Variants in CD82 observed in about 807,000 individuals in gnomAD.
CD82 encodes the protein CD82 antigen.
CD82 carries 36 observed loss-of-function variants against 37.4 expected under a neutral mutation model. The ratio of observed to expected loss-of-function variants is 0.96; its 90% CI spans 0.74 to 1.27. The LOEUF (loss-of-function observed/expected upper bound fraction) is 1.27, where lower values mean the gene tolerates loss of function less well. Ranked by LOEUF, CD82 falls within the 50% of genes most tolerant of loss-of-function variation. The pLI, the probability that CD82 is intolerant of heterozygous loss-of-function variation, is 0.00. For synonymous variants in CD82, 158 were observed against 137.4 expected, an observed-to-expected ratio of 1.15 and a Z score of -1.05; for missense variants, 340 against 347.0, an observed-to-expected ratio of 0.98 and a Z score of 0.16.
chr11:44,585,019 G>A, intron 1 of CD82: 1 of 348,546 alleles, frequency 2.9e-6, no homozygotes, highest in South Asian at 2.2e-5. Context: ...GGGATCGGAT[G>A]CCCAACTCAC....
At chr11:44,618,393 G>A (rs375739064) in intron 8 of CD82, 28 bp downstream of exon 8, 134 of 1,589,112 alleles carry the variant, frequency 8.4e-5, no homozygotes, top group Non-Finnish European at 1.1e-4. Context: ...GATCGGGGGC[G>A]GGGCTCCGAG....
At chr11:44,598,400 AT>A (rs71038809) in intron 3 of CD82, among the ~76,000 whole-genome samples, 11 of 58,904 alleles carry the variant, frequency 1.9e-4, no homozygotes, top group African/African-American at 5.9e-4. Context: ...TTTGGCCTTA[AT>A]TTTTTTTTTT....
chr11:44,606,757 G>A (rs1455125876), intron 6 of CD82: 2 of 152,322 alleles, frequency 1.3e-5, no homozygotes, highest in African/African-American at 2.4e-5. Flanking sequence ...GACAGATGGA[G>A]AAGCAGATGC....
chr11:44,588,115 G>A (rs892101090), intron 2 of CD82, among the ~76,000 whole-genome samples: 5 of 152,188 alleles, frequency 3.3e-5, no homozygotes, highest in East Asian at 1.9e-4. Context: ...CACAGCATGC[G>A]TTATAGGAAC....
intron 3 of CD82, among the ~76,000 whole-genome samples, chr11:44,595,199 G>T (rs1853204775): frequency 2.0e-5 from 3 of 151,978 alleles, no homozygotes; most frequent in Admixed American, 2.0e-4. Context: ...CTCATAGGGA[G>T]AGCAAGAGGG....
rs1853626294 is a variant in CD82, at chr11:44,619,484, CG to C, written c.*361del. On this transcript the variant is annotated 3_prime_UTR_variant, in exon 10 of 10. Coordinates refer to ENST00000227155, the MANE Select transcript of CD82 (RefSeq NM_002231.4). ...TATGAAAAATTGGGGAGGAGGGGGC[CG>C]GGCGCGGTGGCTCACGCCTGTAATC... 4 of 190,858 alleles carry C rather than the reference CG, an allele frequency of 2.1e-5. No homozygotes were observed. In the South Asian group the frequency reaches 4.3e-4, roughly 20 times the overall value. 11.8% of individuals were successfully genotyped at this position (190,858 alleles called of 1,614,324 possible).
intron 4 of CD82, among the ~76,000 whole-genome samples, chr11:44,601,289 C>T (rs561039047): frequency 6.6e-6 from 1 of 152,068 alleles, no homozygotes; most frequent in Non-Finnish European, 1.5e-5. Flanking sequence ...ACATCTGTCC[C>T]CCTGGCCCCA....
chr11:44,568,709 A>C (rs963893950), intron 1 of CD82, among the ~76,000 whole-genome samples: 19 of 152,062 alleles, frequency 1.2e-4, no homozygotes, highest in Admixed American at 9.8e-4. Context: ...AGTTTCCGCT[A>C]TGTGGGGGCG....
chr11:44,611,668 C>A (rs1373005548), intron 6 of CD82, among the ~76,000 whole-genome samples: 1 of 152,176 alleles, frequency 6.6e-6, no homozygotes, highest in African/African-American at 2.4e-5. Flanking sequence ...CCTGCTACCT[C>A]CCTGTCCTTT....
chr11:44,592,828 A>G (rs1299144329), intron 2 of CD82, among the ~76,000 whole-genome samples: 1 of 152,160 alleles, frequency 6.6e-6, no homozygotes, highest in Non-Finnish European at 1.5e-5. Context: ...CTAGACTGGA[A>G]GAGCCATTTA....
At chr11:44,586,261 G>A (rs1853052839) in intron 1 of CD82, among the ~76,000 whole-genome samples, 1 of 138,376 alleles carries the variant, frequency 7.2e-6, no homozygotes, top group Admixed American at 7.6e-5. Context: ...CAAGGCTGGG[G>A]ACCACCACTC....
intron 1 of CD82, among the ~76,000 whole-genome samples, chr11:44,575,590 C>T (rs1248079083): frequency 1.3e-5 from 2 of 152,224 alleles, no homozygotes; most frequent in Non-Finnish European, 2.9e-5. Context: ...GACGCTGCAT[C>T]TGCTGGCCCT....
At chr11:44,574,810 TTG>T (rs778002632) in intron 1 of CD82, among the ~76,000 whole-genome samples, 7 of 152,218 alleles carry the variant, frequency 4.6e-5, no homozygotes, top group Non-Finnish European at 8.8e-5. Flanking sequence ...TCCCATGTGA[TTG>T]AGCATTCTTC....
intron 6 of CD82, 78 bp downstream of exon 6, chr11:44,605,507 A>G: frequency 1.1e-5 from 15 of 1,337,794 alleles, no homozygotes; most frequent in South Asian, 1.1e-4. Context: ...GGGATGGACA[A>G]GGAACCCCCC....
chr11:44,604,914 T>C lies in CD82; in HGVS notation c.137-144T>C. 3 of 1,143,776 alleles carry C rather than the reference T, an allele frequency of 2.6e-6. No homozygotes were observed. In the East Asian group the frequency reaches 7.1e-5, roughly 27 times the overall value. The allele number at this position is 1,143,776 out of a possible 1,614,324, so 70.9% of individuals were successfully genotyped here. Reference sequence around the variant, plus strand: ...GGGATGGGGGTGACCTGGTTCCCTGTTGGGCAGTGAGAAGCCAGCAGGGGA... The same window carrying C: ...GGGATGGGGGTGACCTGGTTCCCTGCTGGGCAGTGAGAAGCCAGCAGGGGA... On this transcript the variant is annotated intron_variant, in intron 4 of 9. Coordinates refer to ENST00000227155, the MANE Select transcript of CD82 (RefSeq NM_002231.4).
At position 44,605,179 on chromosome 11, in the gene CD82, G is replaced by T. The variant is rs35348953; in HGVS notation, c.258G>T (p.Gly86=). The change falls in exon 5 of 10, where the codon GGG becomes GGT. Residue 86 remains glycine, a synonymous_variant. Coordinates refer to ENST00000227155, the MANE Select transcript of CD82 (RefSeq NM_002231.4). The part of the protein sequence containing the change: ...GAVNEVRCLL[G]LYFAFLLLIL... ...TCAACGAGGTCCGCTGCCTGCTGGGGCTGGTGAGTACGGATCCCTCCGCAG... is the reference window on the plus strand; with the variant it reads ...TCAACGAGGTCCGCTGCCTGCTGGGTCTGGTGAGTACGGATCCCTCCGCAG... 1.8e-4 allele frequency: 287 copies of T among 1,613,922 alleles called. 1 individual carries two copies. In the African/African-American group the frequency reaches 3.7e-3, roughly 21 times the overall value.
intron 1 of CD82, among the ~76,000 whole-genome samples, chr11:44,580,448 C>T (rs1028175484): frequency 2.0e-5 from 3 of 152,206 alleles, no homozygotes. Flanking sequence ...GGTAGACAGG[C>T]CAGGCGCGGT....
chr11:44,582,501 GT>G (rs1339155086), intron 1 of CD82, among the ~76,000 whole-genome samples: 2 of 152,324 alleles, frequency 1.3e-5, no homozygotes, highest in African/African-American at 4.8e-5. Context: ...TAGATAGTCT[GT>G]TTTACAGATG....
intron 3 of CD82, among the ~76,000 whole-genome samples, chr11:44,599,255 C>T (rs1853273220): frequency 6.6e-6 from 1 of 152,222 alleles, no homozygotes; most frequent in Non-Finnish European, 1.5e-5. Flanking sequence ...GTGATCCTCT[C>T]TTCTCAGCTT....
Sources: allele counts gnomAD v4.1 joint callset (sites outside exome capture counted in the v4.1 genomes callset), GRCh38; gene constraint gnomAD v4.1.1; transcripts MANE v1.5; gene names NCBI Gene and HGNC (gene_info 2026-07-23, HGNC 2026-07-21).